Variants in KLF8 observed in about 807,000 individuals in gnomAD.
KLF8 encodes the protein KLF transcription factor 8, also known as Krueppel-like factor 8.
KLF8 carries 10 observed loss-of-function variants against 18.2 expected under a neutral mutation model. The observed-to-expected ratio is 0.55, with a 90% CI of 0.34 to 0.93. The LOEUF is 0.93. KLF8 is among the 40% of genes least tolerant of loss of function. KLF8 has a pLI of 0.02. For missense variants in KLF8, 264 were observed against 277.9 expected (o/e 0.95, Z 0.36); for synonymous variants, 109 against 97.3 (o/e 1.12, Z -0.71).
At chrX:56,100,116 CTTGAAG>C in the KLF8 span, among the ~76,000 whole-genome samples, 1 of 111,155 alleles carries the variant, frequency 9.0e-6, no homozygotes, top group African/African-American at 3.3e-5. Flanking sequence ...CAGCTGGGGA[CTTGAAG>C]TTGAAGTCAG....
the KLF8 span, among the ~76,000 whole-genome samples, chrX:56,033,951 A>G: frequency 3.6e-5 from 4 of 112,306 alleles, no homozygotes; most frequent in Non-Finnish European, 3.8e-5. Context: ...TGTATAGCAA[A>G]TCTTTATCAG....
the KLF8 span, among the ~76,000 whole-genome samples, chrX:56,112,519 G>T: frequency 8.9e-6 from 1 of 111,793 alleles, no homozygotes. Context: ...GGTATTTTTT[G>T]GTTGTTATTT....
the KLF8 span, among the ~76,000 whole-genome samples, chrX:56,156,492 G>T: frequency 9.1e-6 from 1 of 109,404 alleles, no homozygotes; most frequent in East Asian, 2.9e-4. Flanking sequence ...GACATATTTG[G>T]TTTCCTGGTC....
the KLF8 span, among the ~76,000 whole-genome samples, chrX:56,197,396 T>C: frequency 9.0e-6 from 1 of 111,119 alleles, no homozygotes; most frequent in East Asian, 2.8e-4. Flanking sequence ...TAAAAAATGA[T>C]AAAGGGGATA....
chrX:56,196,851 G>T, the KLF8 span, among the ~76,000 whole-genome samples: 1 of 111,382 alleles, frequency 9.0e-6, no homozygotes, highest in Non-Finnish European at 1.9e-5. Flanking sequence ...TGGAAGTAAA[G>T]CACTCCTCAG....
chrX:55,961,404 C>T, the KLF8 span: 2 of 510,304 alleles, frequency 3.9e-6, no homozygotes, highest in South Asian at 4.6e-5. Flanking sequence ...TTTGTGTCTA[C>T]TGGGATGATA....
At position 56,291,051 on chromosome X, in the gene KLF8, C is replaced by A. The variant is rs759577538; in HGVS notation, c.*6557C>A. Among the ~76,000 whole-genome samples the A allele has an allele frequency of 2.7e-5, 3 of 111,367 alleles. No homozygotes were observed. The East Asian group carries it at 8.5e-4, about 32-fold the overall frequency. On this transcript the variant is annotated 3_prime_UTR_variant, in exon 6 of 6. Transcript: ENST00000468660. ...AAGAGAGTTCCTAGTGGTGTCCATC[C>A]CTGTTTTTTGACAGGCAGTCACACA...
chrX:56,127,514 A>G, the KLF8 span, among the ~76,000 whole-genome samples: 4 of 110,476 alleles, frequency 3.6e-5, no homozygotes, highest in Admixed American at 1.9e-4. Flanking sequence ...AAAAAAAATA[A>G]TAATAACCAG....
At chrX:56,085,706 A>G in the KLF8 span, among the ~76,000 whole-genome samples, 2 of 112,621 alleles carry the variant, frequency 1.8e-5, no homozygotes, top group African/African-American at 6.4e-5. Flanking sequence ...CAGATGAACC[A>G]TAAGAAAAAC....
the KLF8 span, among the ~76,000 whole-genome samples, chrX:56,064,991 C>T: frequency 9.0e-6 from 1 of 111,050 alleles, no homozygotes; most frequent in Non-Finnish European, 1.9e-5. Context: ...TTTATATGCG[C>T]CTTTATGTGC....
At chrX:56,278,336 CG>C (rs1247626098) in intron 5 of KLF8, among the ~76,000 whole-genome samples, 3 of 110,876 alleles carry the variant, frequency 2.7e-5, no homozygotes, top group Non-Finnish European at 5.7e-5. Context: ...ACTGGTTATT[CG>C]GGGACCAAGG....
the KLF8 span, among the ~76,000 whole-genome samples, chrX:56,141,659 A>G: frequency 2.7e-5 from 3 of 111,428 alleles, no homozygotes; most frequent in Admixed American, 9.6e-5. Flanking sequence ...TTGGAAGAGT[A>G]AAACTGTTCA....
upstream of KLF8, among the ~76,000 whole-genome samples, chrX:56,227,618 C>T (rs1174035317): frequency 9.0e-6 from 1 of 111,692 alleles, no homozygotes; most frequent in Non-Finnish European, 1.9e-5. Context: ...GCTGGGATTA[C>T]AGGCGTGAGC....
At chrX:56,058,300 A>ATATATACATATATATATATATATG in the KLF8 span, among the ~76,000 whole-genome samples, 2 of 74,140 alleles carry the variant, frequency 2.7e-5, no homozygotes, top group African/African-American at 9.9e-5. Context: ...ATATATATAT[A>ATATATACATATATATATATATATG]TATATATATA....
At chrX:56,261,103 CTA>C (rs768675143) in intron 2 of KLF8, among the ~76,000 whole-genome samples, 1 of 111,717 alleles carries the variant, frequency 9.0e-6, no homozygotes, top group Non-Finnish European at 1.9e-5. Flanking sequence ...GAGTTTATTT[CTA>C]GAATTGAGAG....
the KLF8 span, among the ~76,000 whole-genome samples, chrX:56,188,103 A>G: frequency 1.8e-5 from 2 of 111,136 alleles, no homozygotes; most frequent in Non-Finnish European, 1.9e-5. Context: ...TGCAGATGAC[A>G]TGATTGTATA....
the KLF8 span, among the ~76,000 whole-genome samples, chrX:56,164,702 C>CT: frequency 2.8e-4 from 15 of 53,421 alleles, no homozygotes; most frequent in Admixed American, 9.5e-4. Flanking sequence ...CAGTATATTT[C>CT]TTTTTTTTTT....
chrX:56,033,867 C>A, the KLF8 span, among the ~76,000 whole-genome samples: 1 of 112,059 alleles, frequency 8.9e-6, no homozygotes, highest in Admixed American at 9.4e-5. Context: ...TCTTGCTAGT[C>A]ATTTGTTTGA....
the KLF8 span, among the ~76,000 whole-genome samples, chrX:56,214,850 A>G: frequency 3.9e-4 from 44 of 111,980 alleles, no homozygotes; most frequent in African/African-American, 1.3e-3. Flanking sequence ...AGGCAGTCCA[A>G]CTCCAAAGTC....
Sources: gnomAD v4.1 joint callset for allele counts (sites outside exome capture counted in the v4.1 genomes callset) on GRCh38, gnomAD v4.1.1 for gene constraint, MANE v1.5 for transcripts, NCBI Gene and HGNC (gene_info 2026-07-23, HGNC 2026-07-21) for gene names.